Variants in EDNRA observed in about 807,000 individuals in gnomAD.
EDNRA encodes the protein endothelin receptor type A, also known as endothelin-1 receptor.
A neutral mutation model predicts 41.4 loss-of-function variants in EDNRA; 11 were observed. The observed-to-expected ratio is 0.27, with a 90% confidence interval of 0.17 to 0.44. The LOEUF is 0.44. Among genes scored for constraint, EDNRA ranks in the 20% least tolerant of loss-of-function variants. EDNRA has a pLI of 1.00. For missense variants in EDNRA, 294 were observed against 531.0 expected (o/e 0.55, Z 4.39); for synonymous variants, 172 against 183.0 (o/e 0.94, Z 0.49).
intron 7 of EDNRA, 107 bp from the exon 8 acceptor site, chr4:147,542,371 G>C: frequency 1.3e-6 from 2 of 1,494,264 alleles, no homozygotes; most frequent in Middle Eastern, 2.3e-4. Context: ...CACTTCCCTC[G>C]AATGCGAATG....
intron 3 of EDNRA, among the ~76,000 whole-genome samples, chr4:147,523,463 T>TC (rs1730399861): frequency 7.2e-6 from 1 of 138,244 alleles, no homozygotes; most frequent in Non-Finnish European, 1.5e-5. Flanking sequence ...GGGTGTTTGT[T>TC]TTTTTTTGTT....
rs571945059 is a variant in EDNRA, at chr4:147,506,023, A to T, written c.421-13828A>T. ...GCACTCTTGAGCATGTATCCCAGAG[A>T]AGTGAAAATTTTGTTCATGCAAAAA... is the stretch of plus-strand genomic sequence containing the variant. On this transcript the variant is annotated intron_variant, in intron 2 of 7. Coordinates refer to ENST00000651419, the MANE Select transcript of EDNRA (RefSeq NM_001957.4). The T allele has an allele frequency of 6.0e-5, 25 of 415,084 alleles. No homozygotes were observed. In the East Asian group the frequency reaches 1.6e-3, roughly 27 times the overall value. 25.7% of individuals were successfully genotyped at this position (415,084 alleles called of 1,614,324 possible).
chr4:147,482,037 G>T (rs1728778741), intron 1 of EDNRA, among the ~76,000 whole-genome samples: 1 of 152,240 alleles, frequency 6.6e-6, no homozygotes, highest in South Asian at 2.1e-4. Context: ...TCCCCTGATA[G>T]AGTTGGGGGT....
chr4:147,525,805 T>C (rs1730521822), intron 3 of EDNRA, among the ~76,000 whole-genome samples: 1 of 152,218 alleles, frequency 6.6e-6, no homozygotes, highest in Admixed American at 6.5e-5. Context: ...TGTTATTAGA[T>C]ACTTGGAAAA....
chr4:147,507,718 T>C (rs1216246491), intron 2 of EDNRA, among the ~76,000 whole-genome samples: 1 of 152,188 alleles, frequency 6.6e-6, no homozygotes, highest in Non-Finnish European at 1.5e-5. Flanking sequence ...ATAATATTGG[T>C]AGATTATATC....
At chr4:147,483,404 C>T (rs1728838385) in intron 1 of EDNRA, among the ~76,000 whole-genome samples, 1 of 152,136 alleles carries the variant, frequency 6.6e-6, no homozygotes, top group Non-Finnish European at 1.5e-5. Flanking sequence ...GGAGATATTG[C>T]TCCTGCCTAC....
At chr4:147,515,615 C>T (rs530347582) in intron 2 of EDNRA, among the ~76,000 whole-genome samples, 1 of 152,312 alleles carries the variant, frequency 6.6e-6, no homozygotes, top group South Asian at 2.1e-4. Context: ...GGTGGAGACT[C>T]AGGCAGTTTG....
At chr4:147,521,203 A>G (rs977254544) in intron 3 of EDNRA, among the ~76,000 whole-genome samples, 3 of 152,252 alleles carry the variant, frequency 2.0e-5, no homozygotes, top group African/African-American at 7.2e-5. Context: ...AAATAAATAA[A>G]TGGCTATAAC....
rs192019719 is a variant in EDNRA at position 147,509,608 on chromosome 4, C to T, written c.421-10243C>T. Among the ~76,000 whole-genome samples, 5 of 152,304 alleles carry T rather than the reference C, an allele frequency of 3.3e-5. No homozygotes were observed. In the East Asian group the frequency reaches 7.7e-4, roughly 24 times the overall value. ...CTGTATTTACAGCTGCTCCCCATCA[C>T]TCGCATTACCTCATGAGCTTTGCCT... On this transcript the variant is annotated intron_variant, in intron 2 of 7. Coordinates refer to ENST00000651419, the MANE Select transcript of EDNRA (RefSeq NM_001957.4).
chr4:147,530,089 G>A lies in EDNRA; in HGVS notation c.549-2417G>A, dbSNP rs529897208. Among the ~76,000 whole-genome samples the A allele has an allele frequency of 5.3e-5, 8 of 152,188 alleles. No homozygotes were observed. The South Asian group carries it at 1.2e-3, about 24-fold the overall frequency. ...GTGTAATATTCTGGGAACTCATGGC[G>A]CTTTATAAAAATGAAGTTGGTCTGT... On this transcript the variant is annotated intron_variant, in intron 3 of 7. Coordinates refer to ENST00000651419, the MANE Select transcript of EDNRA (RefSeq NM_001957.4).
chr4:147,523,339 T>C (rs1730390795), intron 3 of EDNRA, among the ~76,000 whole-genome samples: 2 of 152,110 alleles, frequency 1.3e-5, no homozygotes, highest in South Asian at 4.1e-4. Flanking sequence ...CAAAGAAATA[T>C]ATTTTGGAGT....
intron 5 of EDNRA, among the ~76,000 whole-genome samples, chr4:147,538,161 G>C (rs1489962233): frequency 1.3e-5 from 2 of 152,084 alleles, no homozygotes; most frequent in Non-Finnish European, 2.9e-5. Flanking sequence ...TAGAGGCCAG[G>C]TATCTACTGT....
In EDNRA at chr4:147,514,495, C is replaced by T. The variant is rs750480012; in HGVS notation, c.421-5356C>T. 4.0e-5 allele frequency among the ~76,000 whole-genome samples: 6 copies of T among 151,500 alleles called. 1 individual carries two copies. Among genetic ancestry groups the T allele is most frequent in the Non-Finnish European group, 5.9e-5 (4 of 67,942 alleles). On this transcript the variant is annotated intron_variant, in intron 2 of 7. Transcript: ENST00000651419. ...CTTTTTCTTTTTTGTTTTTTTGAGA[C>T]GGAGTTTCACTCTCGTTGCCCAGGC... is the stretch of plus-strand genomic sequence containing the variant.
At position 147,542,645 on chromosome 4, in the gene EDNRA, T is replaced by C; in HGVS notation, c.*27T>C. On this transcript the variant is annotated 3_prime_UTR_variant, in exon 8 of 8. Transcript: ENST00000651419. Reference sequence around the variant, plus strand: ...CACCCTTAGAAGCACTCCTCGGTACTCCCATAATCCTCTCGGAGAAAAAAA... The same window carrying C: ...CACCCTTAGAAGCACTCCTCGGTACCCCCATAATCCTCTCGGAGAAAAAAA... 6.2e-7 allele frequency: 1 copy of C among 1,601,528 alleles called. No homozygotes were observed. The highest frequency in any genetic ancestry group is 1.1e-5 in the South Asian group (1 of 89,368).
At chr4:147,511,508 T>C (rs1435214147) in intron 2 of EDNRA, among the ~76,000 whole-genome samples, 1 of 152,210 alleles carries the variant, frequency 6.6e-6, no homozygotes, top group Non-Finnish European at 1.5e-5. Flanking sequence ...CTCAGGATAA[T>C]TGTGACCACA....
chr4:147,520,848 C>G (rs1730298705), intron 3 of EDNRA, among the ~76,000 whole-genome samples: 1 of 152,180 alleles, frequency 6.6e-6, no homozygotes, highest in Non-Finnish European at 1.5e-5. Context: ...AAAGAGTTTA[C>G]AGATATTCTG....
rs1229431847 is a variant in EDNRA, at chr4:147,497,437, C to G, written c.420+11336C>G. Among the ~76,000 whole-genome samples the G allele has an allele frequency of 2.6e-5, 4 of 152,148 alleles. No individual in the cohort carries two copies. In the East Asian group the frequency reaches 5.8e-4, roughly 22 times the overall value. ...ATTCCCAGATCAACTCACACATTGA[C>G]TAAGTACCTGTAGAAAACACAGAGG... On this transcript the variant is annotated intron_variant, in intron 2 of 7. Coordinates refer to ENST00000651419, the MANE Select transcript of EDNRA (RefSeq NM_001957.4).
chr4:147,483,672 G>A (rs1238167216), intron 1 of EDNRA, among the ~76,000 whole-genome samples: 1 of 151,464 alleles, frequency 6.6e-6, no homozygotes, highest in African/African-American at 2.4e-5. Context: ...CATCAACCTT[G>A]AATACACTCA....
intron 6 of EDNRA, 107 bp downstream of exon 6, chr4:147,540,057 A>C (rs1731046895): frequency 6.9e-7 from 1 of 1,450,160 alleles, no homozygotes; most frequent in African/African-American, 1.4e-5. Flanking sequence ...CTGAAAATTA[A>C]AACTGCAAAG....
Sources: gnomAD v4.1 joint callset for allele counts (sites outside exome capture counted in the v4.1 genomes callset) on GRCh38, gnomAD v4.1.1 for gene constraint, MANE v1.5 for transcripts, NCBI Gene and HGNC (gene_info 2026-07-23, HGNC 2026-07-21) for gene names.